Variants in CHRNA7 observed in about 807,000 individuals in gnomAD.
The protein encoded by CHRNA7 is neuronal acetylcholine receptor subunit alpha-7.
Under a neutral mutation model 48.0 loss-of-function variants are expected in CHRNA7, and 17 were observed. The observed-to-expected ratio is 0.35, with a 90% CI of 0.24 to 0.53. The LOEUF (loss-of-function observed/expected upper bound fraction) is 0.53. Ranked by LOEUF, CHRNA7 falls within the 20% of genes least tolerant of loss-of-function variation. The probability of loss-of-function intolerance (pLI) is 0.92; values close to 1 mark genes in which losing one functional copy is unlikely to be tolerated. For synonymous variants in CHRNA7, 75 were observed against 242.3 expected (o/e 0.31, Z 6.41); for missense variants, 155 against 577.7 (o/e 0.27, Z 7.50).
chr15:32,105,619 G>A (rs2050657143), intron 3 of CHRNA7, among the ~76,000 whole-genome samples: 1 of 152,206 alleles, frequency 6.6e-6, no homozygotes, highest in Admixed American at 6.5e-5. Flanking sequence ...GCCAGACGTG[G>A]GAGAAATCTC....
intron 2 of CHRNA7, among the ~76,000 whole-genome samples, chr15:32,065,975 C>T (rs1376770344): frequency 1.6e-5 from 2 of 128,814 alleles, no homozygotes; most frequent in Admixed American, 8.4e-5. Flanking sequence ...TGCCCCGGCA[C>T]ACAACATAGC....
In CHRNA7 at chr15:32,030,885, T is replaced by C; in HGVS notation, c.56-13T>C. On this transcript the variant is annotated splice_polypyrimidine_tract_variant and intron_variant, in intron 1 of 9. Transcript: ENST00000306901. ...CTGCCCTGAGCCCCCTGCCCGGGTC[T>C]TCTCTCCTTAAGTGTCCCTGCAAGG... The C allele has an allele frequency of 6.2e-7, 1 of 1,612,978 alleles. No homozygotes were observed.
chr15:32,041,597 C>A (rs2049449301), intron 2 of CHRNA7, among the ~76,000 whole-genome samples: 1 of 152,204 alleles, frequency 6.6e-6, no homozygotes. Flanking sequence ...GGTTGGGGAA[C>A]CCTGCTCTAC....
intron 2 of CHRNA7, among the ~76,000 whole-genome samples, chr15:32,048,648 G>GT (rs1273837197): frequency 1.8e-4 from 27 of 151,868 alleles, no homozygotes; most frequent in African/African-American, 6.0e-4. Context: ...TTTTTGAAGG[G>GT]TTTTTTGTGT....
intron 2 of CHRNA7, 45 bp downstream of exon 2, chr15:32,031,082 C>T: frequency 6.2e-7 from 1 of 1,608,874 alleles, no homozygotes; most frequent in Non-Finnish European, 8.5e-7. Context: ...CCTTCCTGGG[C>T]TCCGAGGGGC....
At chr15:32,064,509 G>A (rs1481768416) in intron 2 of CHRNA7, among the ~76,000 whole-genome samples, 1 of 151,220 alleles carries the variant, frequency 6.6e-6, no homozygotes, top group Non-Finnish European at 1.5e-5. Context: ...GTGTATGTGT[G>A]TGTGTGGTGT....
chr15:32,153,178 T>C lies in CHRNA7; in HGVS notation c.351-729T>C, dbSNP rs564656863. Among the ~76,000 whole-genome samples, 1,157 of 152,150 alleles carry C rather than the reference T, an allele frequency of 7.6e-3. 6 individuals are homozygous for C. The highest frequency in any genetic ancestry group is 0.014 in the Middle Eastern group (4 of 294). The stretch of plus-strand genomic sequence containing the variant: ...GCTCACGCCTATAATCCCAGCACTT[T>C]GGGAGGCTGAGGCGGGTGGATCACA... On this transcript the variant is annotated intron_variant, in intron 4 of 9. Coordinates refer to ENST00000306901, the MANE Select transcript of CHRNA7 (RefSeq NM_000746.6).
intron 2 of CHRNA7, among the ~76,000 whole-genome samples, chr15:32,087,520 C>G (rs996735502): frequency 6.6e-5 from 10 of 152,154 alleles, no homozygotes; most frequent in African/African-American, 2.4e-4. Context: ...TAGGCCCTTT[C>G]TGACAGAGCA....
chr15:32,058,946 A>T (rs532070264), intron 2 of CHRNA7, among the ~76,000 whole-genome samples: 4 of 152,332 alleles, frequency 2.6e-5, no homozygotes, highest in African/African-American at 9.6e-5. Context: ...GGTGTTCTTA[A>T]TGACTGTACC....
In CHRNA7 at chr15:32,119,201, G is replaced by C. The variant is rs567982472; in HGVS notation, c.350+7302G>C. Among the ~76,000 whole-genome samples the C allele has an allele frequency of 2.0e-5, 3 of 152,250 alleles. No individual in the cohort carries two copies. In the East Asian group the frequency reaches 5.8e-4, roughly 29 times the overall value. ...CACGGAGAAGCAAATGTGTTTTGCT[G>C]GTGGACCAATTCCCCTGTTGACAGA... On this transcript the variant is annotated intron_variant, in intron 4 of 9. Transcript: ENST00000306901.
At chr15:32,048,155 A>G (rs1393003067) in intron 2 of CHRNA7, among the ~76,000 whole-genome samples, 5 of 152,140 alleles carry the variant, frequency 3.3e-5, no homozygotes, top group African/African-American at 2.4e-5. Flanking sequence ...GTCTCTGCTC[A>G]GCTTTGGTAT....
At chr15:32,045,617 A>T (rs147925244) in intron 2 of CHRNA7, among the ~76,000 whole-genome samples, 1,944 of 150,684 alleles carry the variant, frequency 0.013, 40 homozygotes, top group African/African-American at 0.045. Context: ...GCTCACTGCA[A>T]CCTCTCTCTC....
intron 2 of CHRNA7, among the ~76,000 whole-genome samples, chr15:32,071,313 A>G (rs2050054367): frequency 6.6e-6 from 1 of 152,178 alleles, no homozygotes; most frequent in Non-Finnish European, 1.5e-5. Context: ...CAACAAATAT[A>G]TTACAGGGAT....
intron 2 of CHRNA7, among the ~76,000 whole-genome samples, chr15:32,055,745 C>G (rs1025120426): frequency 6.6e-6 from 1 of 151,998 alleles, no homozygotes; most frequent in Admixed American, 6.6e-5. Context: ...TTTGGGAGGC[C>G]GAGGCGGGCG....
chr15:32,034,697 T>C (rs1237567458), intron 2 of CHRNA7, among the ~76,000 whole-genome samples: 1 of 152,200 alleles, frequency 6.6e-6, no homozygotes, highest in Non-Finnish European at 1.5e-5. Context: ...GTCCAAACCA[T>C]GATATTTGTA....
intron 3 of CHRNA7, among the ~76,000 whole-genome samples, chr15:32,109,891 G>A (rs2050734351): frequency 6.6e-6 from 1 of 152,188 alleles, no homozygotes; most frequent in African/African-American, 2.4e-5. Context: ...GCAGCGTACA[G>A]CTCTGGCTGT....
chr15:32,031,120 G>A, intron 2 of CHRNA7, 83 bp downstream of exon 2: 1 of 1,554,514 alleles, frequency 6.4e-7, no homozygotes, highest in Non-Finnish European at 8.8e-7. Flanking sequence ...GCGGCCAGGC[G>A]GTGGAGCTCG....
At chr15:32,162,334 G>A (rs2141398537) in intron 8 of CHRNA7, 1 of 152,502 alleles carries the variant, frequency 6.6e-6, no homozygotes, top group South Asian at 2.1e-4. Flanking sequence ...TACTTGGCTG[G>A]TTCCCCTGGC....
chr15:32,104,576 G>C (rs921872086), intron 3 of CHRNA7, among the ~76,000 whole-genome samples: 1 of 152,164 alleles, frequency 6.6e-6, no homozygotes, highest in African/African-American at 2.4e-5. Flanking sequence ...TGCACAGTGT[G>C]GGGGACAGGG....
Sources: gnomAD v4.1 joint callset for allele counts (sites outside exome capture counted in the v4.1 genomes callset) on GRCh38, gnomAD v4.1.1 for gene constraint, MANE v1.5 for transcripts, NCBI Gene and HGNC (gene_info 2026-07-23, HGNC 2026-07-21) for gene names.